MARCHF5: variants seen among roughly 807,000 people sequenced by gnomAD.
The protein encoded by MARCHF5 is membrane associated ring-CH-type finger 5.
Under a neutral mutation model 36.5 loss-of-function variants are expected in MARCHF5, and 5 were observed. That is an observed-to-expected ratio of 0.14 (90% CI 0.07 to 0.29). MARCHF5 has a LOEUF of 0.29. Ranked by LOEUF, MARCHF5 falls within the 10% of genes least tolerant of loss-of-function variation. The probability of loss-of-function intolerance (pLI) is 1.00; values close to 1 mark genes in which losing one functional copy is unlikely to be tolerated. For missense variants in MARCHF5, 179 were observed against 336.3 expected, an observed-to-expected ratio of 0.53 and a Z score of 3.66; for synonymous variants, 103 against 109.9, an observed-to-expected ratio of 0.94 and a Z score of 0.39.
At chr10:92,347,532 T>TATAGATAGATAGATAG (rs71025397) in intron 3 of MARCHF5, among the ~76,000 whole-genome samples, 1 of 119,820 alleles carries the variant, frequency 8.3e-6, no homozygotes, top group African/African-American at 3.5e-5. Context: ...ATGATAGATA[T>TATAGATAGATAGATAG]ATAGATAGAT....
Position 92,352,448 on chromosome 10 carries a change from A to C in MARCHF5, c.*1241A>C, listed in dbSNP as rs1843727253. ...GTTTAGTTTTGTATTCATTTTTAAA[A>C]GCAATTATTGAAGCCATTTTCAATA... On this transcript the variant is annotated 3_prime_UTR_variant, in exon 6 of 6. Coordinates refer to ENST00000358935, the MANE Select transcript of MARCHF5 (RefSeq NM_017824.5). 1 of 152,214 alleles carries C rather than the reference A, an allele frequency of 6.6e-6. No individual in the cohort carries two copies. Among genetic ancestry groups the C allele is most frequent in the South Asian group, 2.1e-4 (1 of 4,820 alleles). The allele number at this position is 152,214 out of a possible 1,614,324, so 9.4% of individuals were successfully genotyped here. A position where few individuals can be genotyped will look rare whatever the true frequency, so the allele number is the denominator to read the frequency against.
chr10:92,314,540 G>A (rs949793151), intron 2 of MARCHF5, among the ~76,000 whole-genome samples: 3 of 152,056 alleles, frequency 2.0e-5, no homozygotes, highest in African/African-American at 7.2e-5. Context: ...TACTTGGGAG[G>A]CTGAGGTAGG....
intron 2 of MARCHF5, among the ~76,000 whole-genome samples, chr10:92,314,098 G>C (rs903355844): frequency 1.3e-5 from 2 of 152,120 alleles, no homozygotes; most frequent in African/African-American, 4.8e-5. Context: ...GTAAGTCCTA[G>C]CTACTCGGGA....
At chr10:92,309,128 A>C (rs1316850383) in intron 1 of MARCHF5, among the ~76,000 whole-genome samples, 3 of 152,236 alleles carry the variant, frequency 2.0e-5, no homozygotes, top group African/African-American at 7.2e-5. Context: ...GATGTGTGAG[A>C]AAGCAAATAT....
chr10:92,340,983 C>T (rs1413075932), intron 3 of MARCHF5, among the ~76,000 whole-genome samples, 180 bp downstream of exon 3: 1 of 152,088 alleles, frequency 6.6e-6, no homozygotes, highest in African/African-American at 2.4e-5. Flanking sequence ...CTGTATCTCC[C>T]TTTTTTCATA....
At chr10:92,340,882 G>A (rs1253546070) in intron 3 of MARCHF5, 79 bp downstream of exon 3, 3 of 1,178,086 alleles carry the variant, frequency 2.5e-6, no homozygotes, top group Non-Finnish European at 3.5e-6. Flanking sequence ...ATTTAAAAGT[G>A]TATTATTTTG....
intron 2 of MARCHF5, among the ~76,000 whole-genome samples, chr10:92,328,819 A>ATT (rs1426986471): frequency 0.011 from 1,246 of 113,686 alleles, 15 homozygotes; most frequent in East Asian, 0.021. Context: ...ATATATATAT[A>ATT]TATTTTTTTT....
intron 2 of MARCHF5, among the ~76,000 whole-genome samples, chr10:92,322,501 A>C (rs1843302630): frequency 7.0e-6 from 1 of 142,786 alleles, no homozygotes; most frequent in South Asian, 2.2e-4. Flanking sequence ...ATGCAGTGGC[A>C]CAATCTCAGC....
Position 92,314,752 on chromosome 10 carries a change from C to G in MARCHF5, c.238+3415C>G, listed in dbSNP as rs1003659209. 1.1e-4 allele frequency among the ~76,000 whole-genome samples: 14 copies of G among 126,374 alleles called. 1 individual carries two copies. In the East Asian group the frequency reaches 1.6e-3, roughly 15 times the overall value. The allele number at this position is 126,374 out of a possible 152,430, so 82.9% of individuals were successfully genotyped here. The stretch of plus-strand genomic sequence containing the variant: ...TTGCTGCTGCTGCTTCCCCCCGCCC[C>G]CCCCCGCCAATAGAGGTTGGGTCTT... On this transcript the variant is annotated intron_variant, in intron 2 of 5. Coordinates refer to ENST00000358935, the MANE Select transcript of MARCHF5 (RefSeq NM_017824.5).
intron 2 of MARCHF5, among the ~76,000 whole-genome samples, chr10:92,319,270 G>A (rs1843257241): frequency 6.6e-6 from 1 of 151,334 alleles, no homozygotes; most frequent in South Asian, 2.1e-4. Context: ...ATAAATGACT[G>A]TGTTACTGGT....
rs1025493638 is a variant in MARCHF5 at position 92,352,960 on chromosome 10, A to G, written c.*1753A>G. Reference sequence around the variant, plus strand: ...ACATTAAATGGACACATATCTTGCAAAATTTTGTTGTATAGAACAGTTTTT... The same window carrying G: ...ACATTAAATGGACACATATCTTGCAGAATTTTGTTGTATAGAACAGTTTTT... On this transcript the variant is annotated 3_prime_UTR_variant, in exon 6 of 6. Transcript: ENST00000358935. The G allele has an allele frequency of 4.6e-5, 7 of 152,586 alleles. No individual in the cohort carries two copies. The allele number at this position is 152,586 out of a possible 1,614,324, so 9.5% of individuals were successfully genotyped here. A position where few individuals can be genotyped will look rare whatever the true frequency, so the allele number is the denominator to read the frequency against.
intron 2 of MARCHF5, 49 bp downstream of exon 2, chr10:92,311,386 A>G (rs1843142492): frequency 7.1e-6 from 9 of 1,264,512 alleles, no homozygotes; most frequent in Non-Finnish European, 8.8e-6. Flanking sequence ...GTTATTATAT[A>G]TAACTTTATA....
At chr10:92,326,362 G>C (rs1843358342) in intron 2 of MARCHF5, among the ~76,000 whole-genome samples, 1 of 152,088 alleles carries the variant, frequency 6.6e-6, no homozygotes, top group African/African-American at 2.4e-5. Context: ...TTGTAGATAA[G>C]AAGTAGACTC....
intron 1 of MARCHF5, among the ~76,000 whole-genome samples, chr10:92,297,847 T>G (rs1487494913): frequency 1.3e-5 from 2 of 152,192 alleles, no homozygotes; most frequent in African/African-American, 4.8e-5. Flanking sequence ...TTTCTCTTTA[T>G]TATTTTTCCT....
chr10:92,331,788 A>G (rs1339888194), intron 2 of MARCHF5, among the ~76,000 whole-genome samples: 1 of 150,468 alleles, frequency 6.6e-6, no homozygotes, highest in African/African-American at 2.4e-5. Context: ...TTAATCATGG[A>G]AATGCAATAT....
chr10:92,332,532 T>C (rs1843448515), intron 2 of MARCHF5, among the ~76,000 whole-genome samples: 1 of 148,482 alleles, frequency 6.7e-6, no homozygotes, highest in Non-Finnish European at 1.5e-5. Context: ...TTTTTTTTTT[T>C]TTTTTGAGAC....
intron 2 of MARCHF5, among the ~76,000 whole-genome samples, chr10:92,325,717 G>A (rs2245994): frequency 0.27 from 40,631 of 151,804 alleles, 6,942 homozygotes; most frequent in South Asian, 0.53. Flanking sequence ...TTGCTGTGTC[G>A]CACAGGCTGG....
chr10:92,315,949 TCTC>T lies in MARCHF5; in HGVS notation c.238+4616_238+4618del, dbSNP rs547383703. ...AAAAGGATTTCTGTGAAAGTCATAA[TCTC>T]CTCAAATTTGTGAAATATTTGTGAT... On this transcript the variant is annotated intron_variant, in intron 2 of 5. Coordinates refer to ENST00000358935, the MANE Select transcript of MARCHF5 (RefSeq NM_017824.5). 2.0e-4 allele frequency among the ~76,000 whole-genome samples: 30 copies of T among 152,332 alleles called. No individual in the cohort carries two copies. In the East Asian group the frequency reaches 5.8e-3, roughly 29 times the overall value.
chr10:92,298,800 TGACCCTC>T (rs1842977549), intron 1 of MARCHF5, among the ~76,000 whole-genome samples: 1 of 151,930 alleles, frequency 6.6e-6, no homozygotes, highest in African/African-American at 2.4e-5. Flanking sequence ...TGAGCTTAAG[TGACCCTC>T]CTGCCTCAGC....
Sources: gnomAD v4.1 joint callset for allele counts (sites outside exome capture counted in the v4.1 genomes callset) on GRCh38, gnomAD v4.1.1 for gene constraint, MANE v1.5 for transcripts, NCBI Gene and HGNC (gene_info 2026-07-23, HGNC 2026-07-21) for gene names.